COL23A1: variants seen among roughly 807,000 people sequenced by gnomAD.
The protein encoded by COL23A1 is collagen alpha-1(XXIII) chain.
COL23A1 carries 97 observed loss-of-function variants against 99.3 expected under a neutral mutation model. That is an observed-to-expected ratio of 0.98 (90% CI 0.83 to 1.16). The LOEUF is 1.16. COL23A1 is among the 50% of genes most tolerant of loss of function. The pLI, the probability that COL23A1 is intolerant of heterozygous loss-of-function variation, is 0.00. For missense variants in COL23A1, 762 were observed against 757.4 expected (o/e 1.01, Z -0.07); for synonymous variants, 320 against 308.2 (o/e 1.04, Z -0.40).
chr5:178,486,353 G>A (rs1158489621), intron 2 of COL23A1, among the ~76,000 whole-genome samples: 2 of 152,190 alleles, frequency 1.3e-5, no homozygotes, highest in Non-Finnish European at 2.9e-5. Flanking sequence ...TAGTACTCTT[G>A]AGGCAAAGAA....
At chr5:178,558,580 G>T (rs1016135574) in intron 2 of COL23A1, among the ~76,000 whole-genome samples, 2 of 152,056 alleles carry the variant, frequency 1.3e-5, no homozygotes, top group Admixed American at 6.5e-5. Context: ...ATTTCATGCT[G>T]GTGGTTGCTG....
intron 2 of COL23A1, among the ~76,000 whole-genome samples, chr5:178,345,615 C>G (rs1760923329): frequency 6.6e-6 from 1 of 151,742 alleles, no homozygotes; most frequent in Admixed American, 6.6e-5. Flanking sequence ...CTCCTGGGTT[C>G]ACGCCATTCT....
intron 2 of COL23A1, among the ~76,000 whole-genome samples, chr5:178,523,139 TAA>T (rs1233641261): frequency 4.2e-5 from 4 of 95,394 alleles, no homozygotes; most frequent in African/African-American, 1.9e-4. Flanking sequence ...TGTCTCTATT[TAA>T]AAATATATAT....
At chr5:178,402,272 C>CT (rs1355143255) in intron 2 of COL23A1, among the ~76,000 whole-genome samples, 1 of 152,074 alleles carries the variant, frequency 6.6e-6, no homozygotes, top group African/African-American at 2.4e-5. Context: ...GGGAGAATTG[C>CT]TTGAGGCCGG....
intron 2 of COL23A1, among the ~76,000 whole-genome samples, chr5:178,458,335 GA>G (rs1437081343): frequency 6.9e-6 from 1 of 145,290 alleles, no homozygotes; most frequent in African/African-American, 2.9e-5. Flanking sequence ...AAGTATTCCA[GA>G]TAATAAAGAA....
chr5:178,469,330 G>A (rs1299826808), intron 2 of COL23A1, among the ~76,000 whole-genome samples: 1 of 152,182 alleles, frequency 6.6e-6, no homozygotes. Flanking sequence ...ACACTGCGCA[G>A]TGAGCAGGCT....
chr5:178,540,976 T>A (rs1314334999), intron 2 of COL23A1, among the ~76,000 whole-genome samples: 3 of 152,244 alleles, frequency 2.0e-5, no homozygotes, highest in Non-Finnish European at 4.4e-5. Flanking sequence ...CAGGGCTGTT[T>A]ATCTTTTTTA....
intron 2 of COL23A1, among the ~76,000 whole-genome samples, chr5:178,353,191 T>C (rs1761426390): frequency 1.3e-5 from 2 of 152,262 alleles, no homozygotes; most frequent in Non-Finnish European, 2.9e-5. Flanking sequence ...AATTATGGCA[T>C]ACTCATGCAA....
At chr5:178,315,895 AT>A (rs1481736958) in intron 2 of COL23A1, among the ~76,000 whole-genome samples, 1 of 150,488 alleles carries the variant, frequency 6.6e-6, no homozygotes, top group Non-Finnish European at 1.5e-5. Flanking sequence ...GATTCCTTTG[AT>A]TAGATTACAA....
At position 178,366,708 on chromosome 5, in the gene COL23A1, G is replaced by A. The variant is rs1762499880; in HGVS notation, c.362-59789C>T. ...TGCCACGGTGGTGCAGCCACACTGA[G>A]CATCCCAAACCTCGCCGGAAGCACG... On this transcript the variant is annotated intron_variant, in intron 2 of 28. Transcript: ENST00000390654. The surrounding 1 kb of genome is among the most constrained non-coding windows in gnomAD (Gnocchi z 4.4). 6.6e-6 allele frequency among the ~76,000 whole-genome samples: 1 copy of A among 152,186 alleles called. No individual in the cohort carries two copies. Among genetic ancestry groups the A allele is most frequent in the Non-Finnish European group, 1.5e-5 (1 of 68,042 alleles).
At chr5:178,463,979 G>A (rs1756274351) in intron 2 of COL23A1, among the ~76,000 whole-genome samples, 1 of 152,176 alleles carries the variant, frequency 6.6e-6, no homozygotes, top group African/African-American at 2.4e-5. Context: ...ACAACCACAG[G>A]CTCATGGGGA....
chr5:178,554,309 A>G (rs577461211), intron 2 of COL23A1, among the ~76,000 whole-genome samples: 1 of 151,904 alleles, frequency 6.6e-6, no homozygotes, highest in Admixed American at 6.6e-5. Flanking sequence ...CTCCTAAGTA[A>G]CTGGGATTAC....
intron 2 of COL23A1, among the ~76,000 whole-genome samples, chr5:178,525,892 A>C (rs897630553): frequency 6.6e-6 from 1 of 152,262 alleles, no homozygotes; most frequent in African/African-American, 2.4e-5. Flanking sequence ...AAGAGCCCAA[A>C]ACTCTTTACA....
chr5:178,356,312 C>G (rs1475484570), intron 2 of COL23A1, among the ~76,000 whole-genome samples: 1 of 152,166 alleles, frequency 6.6e-6, no homozygotes, highest in East Asian at 1.9e-4. Flanking sequence ...CACTGAAAAC[C>G]ACGAGTGGTG....
At chr5:178,547,873 C>A in intron 2 of COL23A1, among the ~76,000 whole-genome samples, 1 of 58,914 alleles carries the variant, frequency 1.7e-5, no homozygotes, top group Non-Finnish European at 3.4e-5. Context: ...ACCCACACCC[C>A]CATACACACC....
At chr5:178,412,248 T>C (rs939866475) in intron 2 of COL23A1, among the ~76,000 whole-genome samples, 1 of 152,218 alleles carries the variant, frequency 6.6e-6, no homozygotes, top group African/African-American at 2.4e-5. Context: ...AAATATAAGG[T>C]ATGAGTAGTG....
intron 17 of COL23A1, 119 bp downstream of exon 17, chr5:178,252,425 C>G: frequency 1.1e-6 from 1 of 923,608 alleles, no homozygotes; most frequent in Non-Finnish European, 1.6e-6. Context: ...TCTGAGCTCC[C>G]GGAAGCCAGG....
intron 2 of COL23A1, among the ~76,000 whole-genome samples, chr5:178,462,651 A>AT (rs1301689690): frequency 6.6e-6 from 1 of 152,196 alleles, no homozygotes; most frequent in African/African-American, 2.4e-5. Flanking sequence ...AGGTAGAACA[A>AT]TTTTTTAACT....
At chr5:178,380,275 C>T (rs1477088864) in intron 2 of COL23A1, among the ~76,000 whole-genome samples, 1 of 152,142 alleles carries the variant, frequency 6.6e-6, no homozygotes, top group Non-Finnish European at 1.5e-5. Flanking sequence ...AACTCTGGGT[C>T]ACAGGTGACC....
Sources: allele counts gnomAD v4.1 joint callset (sites outside exome capture counted in the v4.1 genomes callset), GRCh38; gene constraint gnomAD v4.1.1; non-coding constraint Gnocchi (gnomAD v3.1); transcripts MANE v1.5; gene names NCBI Gene and HGNC (gene_info 2026-07-23, HGNC 2026-07-21).